The following CNTNAP2 variants were observed in gnomAD, a reference collection of about 807,000 sequenced individuals.
CNTNAP2 encodes contactin-associated protein-like 2.
Under a neutral mutation model 155.2 loss-of-function variants are expected in CNTNAP2, and 98 were observed. The observed-to-expected ratio is 0.63, with a 90% CI of 0.54 to 0.75. The LOEUF is 0.75. CNTNAP2 is among the 30% of genes least tolerant of loss of function. The pLI is 0.00. For missense variants in CNTNAP2, 1,727 were observed against 1,688.1 expected, an observed-to-expected ratio of 1.02 and a Z score of -0.40; for synonymous variants, 651 against 631.2, an observed-to-expected ratio of 1.03 and a Z score of -0.47.
At chr7:146,424,409 G>A (rs1016821584) in intron 1 of CNTNAP2, among the ~76,000 whole-genome samples, 3 of 152,206 alleles carry the variant, frequency 2.0e-5, no homozygotes, top group South Asian at 2.1e-4. Flanking sequence ...GGAGTCAGAC[G>A]GGACACACTT....
chr7:146,590,971 G>A (rs1361991173), intron 1 of CNTNAP2, among the ~76,000 whole-genome samples: 1 of 152,044 alleles, frequency 6.6e-6, no homozygotes, highest in African/African-American at 2.4e-5. Flanking sequence ...CTAAGCATAA[G>A]AAAATGCTTG....
At chr7:146,208,054 ATACATAAG>A (rs1562990375) in intron 1 of CNTNAP2, among the ~76,000 whole-genome samples, 1 of 152,076 alleles carries the variant, frequency 6.6e-6, no homozygotes, top group Non-Finnish European at 1.5e-5. Flanking sequence ...AATTCAGTAA[ATACATAAG>A]TAGGACTTAA....
chr7:147,862,984 G>T (rs150772416), intron 13 of CNTNAP2, among the ~76,000 whole-genome samples: 2,806 of 152,064 alleles, frequency 0.018, 100 homozygotes, highest in East Asian at 0.15. Flanking sequence ...ACAACGTGCA[G>T]GTTTGATACA....
chr7:147,883,475 T>G (rs746434208), intron 13 of CNTNAP2, among the ~76,000 whole-genome samples: 7 of 152,254 alleles, frequency 4.6e-5, no homozygotes, highest in Non-Finnish European at 1.0e-4. Flanking sequence ...GGATGATGGC[T>G]GTTTGAAAGA....
intron 9 of CNTNAP2, among the ~76,000 whole-genome samples, chr7:147,372,878 G>T (rs1029572424): frequency 6.6e-6 from 1 of 151,998 alleles, no homozygotes; most frequent in African/African-American, 2.4e-5. Context: ...TCCTGGCAAA[G>T]CTCCCTGTCT....
chr7:146,551,146 C>T (rs1179522420), intron 1 of CNTNAP2, among the ~76,000 whole-genome samples: 2 of 152,070 alleles, frequency 1.3e-5, no homozygotes, highest in Non-Finnish European at 2.9e-5. Flanking sequence ...TAAGGAAATT[C>T]TGGTGGATGT....
At chr7:147,677,685 G>T (rs1795890591) in intron 13 of CNTNAP2, among the ~76,000 whole-genome samples, 1 of 151,584 alleles carries the variant, frequency 6.6e-6, no homozygotes, top group African/African-American at 2.4e-5. Context: ...ATTTTAAGCA[G>T]ATTTTTATAT....
intron 13 of CNTNAP2, among the ~76,000 whole-genome samples, chr7:147,875,100 C>A (rs914718525): frequency 5.9e-5 from 9 of 152,342 alleles, no homozygotes; most frequent in Non-Finnish European, 1.3e-4. Context: ...ACTGTTCCAA[C>A]CTCTGCCTGT....
Position 147,818,054 on chromosome 7 carries a change from AT to A in CNTNAP2, c.2099-85502del, listed in dbSNP as rs531364782. 2.8e-3 allele frequency among the ~76,000 whole-genome samples: 428 copies of A among 151,744 alleles called. 2 individuals carry two copies. The highest frequency in any genetic ancestry group is 9.0e-3 in the African/African-American group (374 of 41,422). Reference sequence around the variant, plus strand: ...TTGGTAGTTACAGAATTTTTCATTAATTTTTTTTTAAAAAAATCAGTTATTC... The same window carrying A: ...TTGGTAGTTACAGAATTTTTCATTAATTTTTTTTAAAAAAATCAGTTATTC... On this transcript the variant is annotated intron_variant, in intron 13 of 23. Transcript: ENST00000361727.
At chr7:147,174,282 G>C (rs1563102880) in intron 8 of CNTNAP2, among the ~76,000 whole-genome samples, 1 of 152,064 alleles carries the variant, frequency 6.6e-6, no homozygotes, top group Non-Finnish European at 1.5e-5. Flanking sequence ...CCATATCCAA[G>C]TTCTGATTAC....
chr7:148,041,373 T>G (rs182992670), intron 15 of CNTNAP2, among the ~76,000 whole-genome samples: 2 of 152,292 alleles, frequency 1.3e-5, no homozygotes, highest in East Asian at 3.9e-4. Context: ...AGAGAGGAAA[T>G]AAGTTACTGG....
Position 147,978,000 on chromosome 7 carries a change from A to C in CNTNAP2, c.2383+11A>C, listed in dbSNP as rs1405542020. 1 of 1,613,716 alleles carries C rather than the reference A, an allele frequency of 6.2e-7. No individual in the cohort carries two copies. Among genetic ancestry groups the C allele is most frequent in the Non-Finnish European group, 8.5e-7 (1 of 1,179,882 alleles). On this transcript the variant is annotated intron_variant, in intron 15 of 23. Coordinates refer to ENST00000361727, the MANE Select transcript of CNTNAP2 (RefSeq NM_014141.6). ...GCTGCCAAGGAGACAGTAAGTTTGC[A>C]TAGCAGCTATGGCTTGCACTTTCTT... is the stretch of plus-strand genomic sequence containing the variant.
chr7:146,158,849 T>G (rs562930271), intron 1 of CNTNAP2, among the ~76,000 whole-genome samples: 2 of 152,258 alleles, frequency 1.3e-5, no homozygotes, highest in Admixed American at 6.5e-5. Context: ...TTCCCCAAAC[T>G]AATGAGGCAG....
intron 1 of CNTNAP2, among the ~76,000 whole-genome samples, chr7:146,253,628 A>C (rs567547878): frequency 7.2e-5 from 11 of 152,350 alleles, no homozygotes; most frequent in African/African-American, 2.2e-4. Context: ...TACATTTTTA[A>C]TATTTAACAG....
chr7:147,631,460 C>T (rs1795083673), intron 12 of CNTNAP2, among the ~76,000 whole-genome samples: 1 of 152,098 alleles, frequency 6.6e-6, no homozygotes, highest in African/African-American at 2.4e-5. Context: ...CAATATTCTT[C>T]ACAGAACTAT....
At chr7:146,550,713 G>A (rs1181418454) in intron 1 of CNTNAP2, among the ~76,000 whole-genome samples, 1 of 151,936 alleles carries the variant, frequency 6.6e-6, no homozygotes, top group Non-Finnish European at 1.5e-5. Context: ...ACTTATTTAA[G>A]AACTTATTCC....
At chr7:146,462,731 C>T (rs758167542) in intron 1 of CNTNAP2, among the ~76,000 whole-genome samples, 12 of 152,086 alleles carry the variant, frequency 7.9e-5, no homozygotes, top group African/African-American at 1.4e-4. Flanking sequence ...ATGAGGCCCA[C>T]GCAGAGTTCT....
chr7:148,139,972 C>A (rs1805027557), intron 16 of CNTNAP2, among the ~76,000 whole-genome samples: 1 of 152,132 alleles, frequency 6.6e-6, no homozygotes, highest in South Asian at 2.1e-4. Context: ...CAGAAGTTCC[C>A]CAAACCACCC....
chr7:146,157,954 C>T (rs571694251), intron 1 of CNTNAP2, among the ~76,000 whole-genome samples: 5 of 152,244 alleles, frequency 3.3e-5, no homozygotes, highest in African/African-American at 9.6e-5. Context: ...GGTCTCTGAC[C>T]CCCGAGTAGC....
Sources: gnomAD v4.1 joint callset for allele counts (sites outside exome capture counted in the v4.1 genomes callset) on GRCh38, gnomAD v4.1.1 for gene constraint, MANE v1.5 for transcripts, NCBI Gene and HGNC (gene_info 2026-07-23, HGNC 2026-07-21) for gene names.